Variants in CCDC85C observed in about 807,000 individuals in gnomAD.
CCDC85C encodes the protein coiled-coil domain containing 85C.
In CCDC85C, 18 loss-of-function variants were observed where a neutral mutation model predicts 38.3. The observed-to-expected ratio is 0.47, with a 90% confidence interval of 0.33 to 0.70. CCDC85C has a LOEUF of 0.70. Among genes scored for constraint, CCDC85C ranks in the 30% least tolerant of loss-of-function variants. The pLI, the probability that CCDC85C is intolerant of heterozygous loss-of-function variation, is 0.03. For synonymous variants in CCDC85C, 264 were observed against 293.8 expected (o/e 0.90, Z 1.04); for missense variants, 566 against 621.2 (o/e 0.91, Z 0.94).
In CCDC85C at chr14:99,503,050, G is replaced by C; in HGVS notation, c.*12196C>G. ...CAGGTGGCGGCAACACCTGAGCACT[G>C]TTCCCATTTCTAAGCGAGCACAGGG... On this transcript the variant is annotated 3_prime_UTR_variant, in exon 6 of 6. Transcript: ENST00000380243. The C allele has an allele frequency of 6.5e-7, 1 of 1,545,928 alleles. No individual in the cohort carries two copies. Among genetic ancestry groups the C allele is most frequent in the South Asian group, 1.1e-5 (1 of 89,734 alleles).
intron 1 of CCDC85C, among the ~76,000 whole-genome samples, chr14:99,574,156 A>C (rs1898419939): frequency 6.6e-6 from 1 of 152,082 alleles, no homozygotes; most frequent in Non-Finnish European, 1.5e-5. Context: ...CAGCCTCCAG[A>C]ACAAGACCAT....
chr14:99,573,741 G>A (rs1030220027), intron 1 of CCDC85C, among the ~76,000 whole-genome samples: 3 of 152,222 alleles, frequency 2.0e-5, no homozygotes, highest in African/African-American at 7.2e-5. Context: ...ATGACACAGG[G>A]CAGAGGTGCT....
At chr14:99,547,560 C>T (rs182869845) in intron 1 of CCDC85C, among the ~76,000 whole-genome samples, 9 of 152,070 alleles carry the variant, frequency 5.9e-5, no homozygotes, top group East Asian at 5.8e-4. Flanking sequence ...GATCACCTGA[C>T]GCCAGGAGTT....
chr14:99,561,779 G>A (rs1898121905), intron 1 of CCDC85C, among the ~76,000 whole-genome samples: 1 of 152,208 alleles, frequency 6.6e-6, no homozygotes, highest in African/African-American at 2.4e-5. Context: ...GTGGGAAGGG[G>A]GCAGAGGAGG....
intron 1 of CCDC85C, among the ~76,000 whole-genome samples, chr14:99,555,297 G>A (rs10147748): frequency 0.53 from 80,761 of 152,044 alleles, 21,647 homozygotes; most frequent in African/African-American, 0.58. Flanking sequence ...GGCCTTAAAG[G>A]TCAGCCTGTC....
chr14:99,583,261 T>C (rs1296740073), intron 1 of CCDC85C: 1 of 152,184 alleles, frequency 6.6e-6, no homozygotes, highest in East Asian at 1.9e-4. Context: ...TCCCAGCACT[T>C]TGGGAGGCCA....
chr14:99,542,766 G>C (rs533949813), intron 1 of CCDC85C, among the ~76,000 whole-genome samples: 120 of 152,346 alleles, frequency 7.9e-4, no homozygotes, highest in Middle Eastern at 3.4e-3. Context: ...GGTGGCCACT[G>C]CCCGCATGCC....
chr14:99,527,260 G>A (rs1264378187), intron 2 of CCDC85C, among the ~76,000 whole-genome samples: 1 of 152,208 alleles, frequency 6.6e-6, no homozygotes, highest in Non-Finnish European at 1.5e-5. Flanking sequence ...CTGGACAGGT[G>A]TGGTTCACCT....
At position 99,500,978 on chromosome 14, in the gene CCDC85C, G is replaced by A; in HGVS notation, c.*14268C>T. ...AAAAGCGGAAAACAAAGTTTGATGTGTGAAATACCAAGGGCATGGCTTGCT... is the reference window on the plus strand; with the variant it reads ...AAAAGCGGAAAACAAAGTTTGATGTATGAAATACCAAGGGCATGGCTTGCT... On this transcript the variant is annotated 3_prime_UTR_variant, in exon 6 of 6. Transcript: ENST00000380243. 1.4e-6 allele frequency: 1 copy of A among 722,138 alleles called. No individual in the cohort carries two copies. Among genetic ancestry groups the A allele is most frequent in the Non-Finnish European group, 2.4e-6 (1 of 418,324 alleles). The allele number at this position is 722,138 out of a possible 1,614,324, so 44.7% of individuals were successfully genotyped here.
At chr14:99,582,433 C>T (rs947066206) in intron 1 of CCDC85C, among the ~76,000 whole-genome samples, 5 of 152,040 alleles carry the variant, frequency 3.3e-5, no homozygotes, top group Admixed American at 3.3e-4. Context: ...TTTTTGAAAA[C>T]GGATGTCTTG....
At chr14:99,538,020 C>T (rs1333909315) in intron 1 of CCDC85C, among the ~76,000 whole-genome samples, 1 of 152,218 alleles carries the variant, frequency 6.6e-6, no homozygotes, top group African/African-American at 2.4e-5. Flanking sequence ...TCTGACAGAG[C>T]TAGGACAAGA....
chr14:99,530,220 C>T (rs1897466451), intron 2 of CCDC85C, among the ~76,000 whole-genome samples: 1 of 152,226 alleles, frequency 6.6e-6, no homozygotes, highest in African/African-American at 2.4e-5. Context: ...ACCATCTGTT[C>T]ATTGGCTGGA....
chr14:99,594,656 C>T (rs1300606711), intron 1 of CCDC85C, among the ~76,000 whole-genome samples: 2 of 152,186 alleles, frequency 1.3e-5, no homozygotes, highest in African/African-American at 4.8e-5. Context: ...CCTTGTGGCT[C>T]TGAGTCAAAG....
chr14:99,603,551 G>C lies in CCDC85C; in HGVS notation c.409C>G (p.Leu137Val). 1 of 1,392,868 alleles carries C rather than the reference G, an allele frequency of 7.2e-7. No homozygotes were observed. Among genetic ancestry groups the C allele is most frequent in the Non-Finnish European group, 9.3e-7 (1 of 1,079,464 alleles). The allele number at this position is 1,392,868 out of a possible 1,614,324, so 86.3% of individuals were successfully genotyped here. The change falls in exon 1 of 6, where the codon CTG (leucine) becomes GTG (valine). Residue 137 changes from leucine (L) to valine (V), a missense_variant. Physicochemically the swap from Leu to Val is conservative, Grantham distance 32 (BLOSUM62 1). Coordinates refer to ENST00000380243, the MANE Select transcript of CCDC85C (RefSeq NM_001144995.2). The surrounding 1 kb of genome is among the most constrained non-coding windows in gnomAD (Gnocchi z 7.5). ...LRELEARQEA[L>V]LRENLELKEL... ...TTGAGCTCCAGGTTCTCGCGCAGCA[G>C]GGCCTCCTGGCGCGCCTCGAGCTCG...
In CCDC85C at chr14:99,535,864, T is replaced by A; in HGVS notation, c.867+151A>T. ...CAGAGGTGTGGGAGCCAGGGTTAGG[T>A]CCCTGACCCCACTTTCCAGGAGGTG... On this transcript the variant is annotated intron_variant, in intron 2 of 5. Transcript: ENST00000380243. This position sits in a 1 kb window ranked among gnomAD's most constrained non-coding sequence, Gnocchi z 5.5. 1.5e-6 allele frequency: 1 copy of A among 659,206 alleles called. No individual in the cohort carries two copies. Among genetic ancestry groups the A allele is most frequent in the Non-Finnish European group, 2.7e-6 (1 of 369,018 alleles). The allele number at this position is 659,206 out of a possible 1,614,324, so 40.8% of individuals were successfully genotyped here. A position where few individuals can be genotyped will look rare whatever the true frequency, so the allele number is the denominator to read the frequency against.
chr14:99,522,388 T>C, intron 2 of CCDC85C, 148 bp from the exon 3 acceptor site: 1 of 558,964 alleles, frequency 1.8e-6, no homozygotes, highest in South Asian at 2.3e-5. Flanking sequence ...CGCTTATCCA[T>C]CCCCCGAGCC....
chr14:99,575,038 C>A (rs563553677), intron 1 of CCDC85C, among the ~76,000 whole-genome samples: 3 of 152,334 alleles, frequency 2.0e-5, no homozygotes, highest in Non-Finnish European at 2.9e-5. Context: ...GTCGAGACTG[C>A]AGCCAGAGGG....
intron 1 of CCDC85C, among the ~76,000 whole-genome samples, chr14:99,549,584 AACTCAGAGG>A (rs1172665073): frequency 1.4e-4 from 22 of 152,212 alleles, no homozygotes; most frequent in Admixed American, 2.6e-4. Flanking sequence ...AGGCCCAGAT[AACTCAGAGG>A]ACTCAGAGGG....
At position 99,502,174 on chromosome 14, in the gene CCDC85C, A is replaced by C. The variant is rs925745323; in HGVS notation, c.*13072T>G. 1 of 1,541,818 alleles carries C rather than the reference A, an allele frequency of 6.5e-7. No homozygotes were observed. Among genetic ancestry groups the C allele is most frequent in the African/African-American group, 1.4e-5 (1 of 72,488 alleles). Reference sequence around the variant, plus strand: ...GGTTTAATCATAAATATTAGATCATATTATCTAACCTTTTTTTTTCTTGTT... The same window carrying C: ...GGTTTAATCATAAATATTAGATCATCTTATCTAACCTTTTTTTTTCTTGTT... On this transcript the variant is annotated 3_prime_UTR_variant, in exon 6 of 6. Transcript: ENST00000380243.
Sources: allele counts gnomAD v4.1 joint callset (sites outside exome capture counted in the v4.1 genomes callset), GRCh38; gene constraint gnomAD v4.1.1; non-coding constraint Gnocchi (gnomAD v3.1); transcripts MANE v1.5; gene names NCBI Gene and HGNC (gene_info 2026-07-23, HGNC 2026-07-21).